CCDC171: variants seen among roughly 807,000 people sequenced by gnomAD.
The protein encoded by CCDC171 is coiled-coil domain containing 171.
In CCDC171, 177 loss-of-function variants were observed where a neutral mutation model predicts 168.2. The ratio of observed to expected loss-of-function variants is 1.05; its 90% CI spans 0.93 to 1.19. The LOEUF (loss-of-function observed/expected upper bound fraction) is 1.19. Ranked by LOEUF, CCDC171 falls within the 50% of genes most tolerant of loss-of-function variation. CCDC171 has a pLI of 0.00. For missense variants in CCDC171, 1,991 were observed against 1,539.0 expected (o/e 1.29, Z -4.91); for synonymous variants, 687 against 540.8 (o/e 1.27, Z -3.75).
Position 15,846,701 on chromosome 9 carries a change from G to A in CCDC171, c.3268-1G>A. The stretch of plus-strand genomic sequence containing the variant: ...TAACTCTGTTTTCTGTCTGCTTGCA[G>A]AGTCTCTCCGAGGCAAAGATGGAGC... On this transcript the variant is annotated splice_acceptor_variant, in intron 21 of 25. Transcript: ENST00000380701. LOFTEE classifies it high-confidence loss of function. 1 of 1,612,514 alleles carries A rather than the reference G, an allele frequency of 6.2e-7. No homozygotes were observed. The highest frequency in any genetic ancestry group is 8.5e-7 in the Non-Finnish European group (1 of 1,179,134).
In CCDC171 at chr9:15,795,563, G is replaced by A. The variant is rs1032727799; in HGVS notation, c.3267+10869G>A. On this transcript the variant is annotated intron_variant, in intron 21 of 25. Coordinates refer to ENST00000380701, the MANE Select transcript of CCDC171 (RefSeq NM_173550.4). ...GGACTCAACACCAAATGATGAGAAG[G>A]AGCTGAACTCTAATTAGCTCATTGG... Among the ~76,000 whole-genome samples the A allele has an allele frequency of 2.0e-5, 3 of 152,274 alleles. No individual in the cohort carries two copies. In the East Asian group the frequency reaches 5.8e-4, roughly 29 times the overall value.
At chr9:15,555,002 C>T (rs188909595) in intron 1 of CCDC171, among the ~76,000 whole-genome samples, 1 of 152,192 alleles carries the variant, frequency 6.6e-6, no homozygotes, top group East Asian at 1.9e-4. Context: ...CTGATCTGTG[C>T]AGACACACTG....
intron 6 of CCDC171, among the ~76,000 whole-genome samples, chr9:15,606,576 T>C (rs932078770): frequency 6.6e-6 from 1 of 152,202 alleles, no homozygotes; most frequent in East Asian, 1.9e-4. Flanking sequence ...TGATATATTT[T>C]ATAAGCTAGA....
intron 2 of CCDC171, 79 bp downstream of exon 2, chr9:15,564,208 T>G: frequency 9.7e-7 from 1 of 1,033,880 alleles, no homozygotes; most frequent in Non-Finnish European, 1.5e-6. Flanking sequence ...GTTGTAGAGC[T>G]AACTGTAAGA....
intron 15 of CCDC171, among the ~76,000 whole-genome samples, 169 bp from the exon 16 acceptor site, chr9:15,729,441 A>G (rs1034894006): frequency 2.6e-5 from 4 of 152,166 alleles, no homozygotes; most frequent in African/African-American, 9.6e-5. Context: ...GGCAGTTTAC[A>G]CTGCTATTTT....
rs1311950411 is a variant in CCDC171, at chr9:15,880,462, TC to T, written c.3600+5800del. On this transcript the variant is annotated intron_variant, in intron 24 of 25. Transcript: ENST00000380701. ...TGTCACTTCCAATTCTCTCTCTCTC[TC>T]TTTTTTTTTTTTTGAGACGGAGTCT... Among the ~76,000 whole-genome samples, 6 of 48,892 alleles carry T rather than the reference TC, an allele frequency of 1.2e-4. No homozygotes were observed. The East Asian group carries it at 2.5e-3, about 21-fold the overall frequency. 32.1% of individuals were successfully genotyped at this position (48,892 alleles called of 152,430 possible).
intron 25 of CCDC171, among the ~76,000 whole-genome samples, chr9:15,969,803 A>T (rs1831165094): frequency 6.6e-6 from 1 of 152,204 alleles, no homozygotes. Context: ...TTATAGCTGC[A>T]AAGTCAATCC....
intron 7 of CCDC171, among the ~76,000 whole-genome samples, chr9:15,637,840 G>C (rs572377135): frequency 2.2e-4 from 34 of 152,024 alleles, no homozygotes; most frequent in South Asian, 6.2e-4. Flanking sequence ...TGGTGTATAT[G>C]TGCCACATTT....
intron 23 of CCDC171, among the ~76,000 whole-genome samples, chr9:15,865,289 G>A (rs935072530): frequency 2.6e-5 from 4 of 151,948 alleles, no homozygotes; most frequent in African/African-American, 9.7e-5. Context: ...TATGTATAAT[G>A]TTCCAGAAAC....
the CCDC171 span, among the ~76,000 whole-genome samples, chr9:16,090,693 A>T: frequency 5.6e-4 from 86 of 152,316 alleles, no homozygotes; most frequent in Non-Finnish European, 1.1e-3. Flanking sequence ...TTATTTTTTT[A>T]AAAATTAGTC....
chr9:15,571,054 C>G (rs992994104), intron 2 of CCDC171, among the ~76,000 whole-genome samples: 2 of 152,128 alleles, frequency 1.3e-5, no homozygotes, highest in Non-Finnish European at 2.9e-5. Flanking sequence ...AAAGGTGTTG[C>G]CAATTACTGA....
intron 7 of CCDC171, among the ~76,000 whole-genome samples, chr9:15,632,544 A>C (rs977326503): frequency 5.9e-5 from 9 of 152,314 alleles, no homozygotes; most frequent in Admixed American, 5.2e-4. Flanking sequence ...ATGGAAGAAC[A>C]TTCCATGCTC....
At chr9:16,030,298 T>G (rs1833345157) in intron 6 of CCDC171, among the ~76,000 whole-genome samples, 2 of 152,174 alleles carry the variant, frequency 1.3e-5, no homozygotes, top group African/African-American at 4.8e-5. Flanking sequence ...AGTCTTTTTA[T>G]TTTCCCGTTC....
intron 18 of CCDC171, among the ~76,000 whole-genome samples, chr9:15,756,672 A>G (rs2134987246): frequency 6.6e-6 from 1 of 152,296 alleles, no homozygotes; most frequent in East Asian, 1.9e-4. Flanking sequence ...GCTTAGGATA[A>G]TGGCTAATAA....
rs1221554583 is a variant in CCDC171 at position 15,891,917 on chromosome 9, G to A, written c.3600+17254G>A. 3.3e-5 allele frequency among the ~76,000 whole-genome samples: 5 copies of A among 152,192 alleles called. No homozygotes were observed. In the South Asian group the frequency reaches 8.3e-4, roughly 25 times the overall value. On this transcript the variant is annotated intron_variant, in intron 24 of 25. Coordinates refer to ENST00000380701, the MANE Select transcript of CCDC171 (RefSeq NM_173550.4). Reference sequence around the variant, plus strand: ...CACTGAGTACCAGCATGTATGCTGGGAGCCTATGGGACGCATGAGGATGGG... The same window carrying A: ...CACTGAGTACCAGCATGTATGCTGGAAGCCTATGGGACGCATGAGGATGGG...
chr9:15,620,997 G>C (rs1403354782), intron 6 of CCDC171, among the ~76,000 whole-genome samples: 1 of 152,062 alleles, frequency 6.6e-6, no homozygotes, highest in Non-Finnish European at 1.5e-5. Flanking sequence ...ACAGAGTCCT[G>C]CTCTCTCGCC....
chr9:15,885,408 A>C (rs1819260060), intron 24 of CCDC171: 1 of 152,214 alleles, frequency 6.6e-6, no homozygotes, highest in Non-Finnish European at 1.5e-5. Flanking sequence ...CCACTTTTTA[A>C]ATATAACTAG....
Position 16,030,304 on chromosome 9 carries a change from C to T in CCDC171, n.999-5153C>T, listed in dbSNP as rs80278497. ...GTCATCATCAGTCTTTTTATTTTCC[C>T]GTTCATTATACCTCTGTGTGTTTTA... On this transcript the variant is annotated intron_variant and non_coding_transcript_variant, in intron 6 of 9. Coordinates refer to the CCDC171 transcript ENST00000486641. 8.4e-4 allele frequency among the ~76,000 whole-genome samples: 128 copies of T among 152,066 alleles called. 2 individuals carry two copies. In the South Asian group the frequency reaches 0.014, roughly 16 times the overall value.
At chr9:15,794,670 T>TA (rs1219064519) in intron 21 of CCDC171, among the ~76,000 whole-genome samples, 22 of 152,178 alleles carry the variant, frequency 1.4e-4, no homozygotes, top group Admixed American at 1.4e-3. Context: ...TAAGGGATTA[T>TA]AAAAAATAAA....
Sources: allele counts gnomAD v4.1 joint callset (sites outside exome capture counted in the v4.1 genomes callset), GRCh38; gene constraint gnomAD v4.1.1; transcripts MANE v1.5; gene names NCBI Gene and HGNC (gene_info 2026-07-23, HGNC 2026-07-21).